Variants in TRAPPC3 observed in about 807,000 individuals in gnomAD.
The protein encoded by TRAPPC3 is trafficking protein particle complex 3.
In TRAPPC3, 5 loss-of-function variants were observed where a neutral mutation model predicts 18.2. The ratio of observed to expected loss-of-function variants is 0.28; its 90% confidence interval spans 0.14 to 0.58. The LOEUF (loss-of-function observed/expected upper bound fraction) is 0.58, where lower values mean the gene tolerates loss of function less well. TRAPPC3 is among the 20% of genes least tolerant of loss of function. The probability of loss-of-function intolerance (pLI) is 0.91; values close to 1 mark genes in which losing one functional copy is unlikely to be tolerated. For missense variants in TRAPPC3, 176 were observed against 225.9 expected (o/e 0.78, Z 1.41); for synonymous variants, 65 against 84.2 (o/e 0.77, Z 1.25).
chr1:36,144,308 AAG>A lies in TRAPPC3; in HGVS notation c.43-4144_43-4143del, dbSNP rs1491456245. 1.2e-3 allele frequency among the ~76,000 whole-genome samples: 184 copies of A among 150,874 alleles called. 1 individual carries two copies. Among genetic ancestry groups the A allele is most frequent in the African/African-American group, 4.0e-3 (166 of 41,078 alleles). ...TGTCTCCAAAAAAAAAAAAAAAAAA[AAG>A]GGAGGGCAAGTCATAAAGAAAGAAG... On this transcript the variant is annotated intron_variant, in intron 1 of 4. Coordinates refer to ENST00000373166, the MANE Select transcript of TRAPPC3 (RefSeq NM_014408.5).
At chr1:36,152,093 C>T (rs2124181052), upstream of TRAPPC3, among the ~76,000 whole-genome samples, 1 of 152,286 alleles carries the variant, frequency 6.6e-6, no homozygotes, top group African/African-American at 2.4e-5. Flanking sequence ...GCCCCTCCCA[C>T]TTCCTGCAGT....
chr1:36,137,029 G>T lies in TRAPPC3; in HGVS notation c.*174C>A. ...GTCGCTCCTGAATGTGCACACATGG[G>T]GTAAATGGACTATATCGCAGTCTGC... On this transcript the variant is annotated 3_prime_UTR_variant, in exon 5 of 5. Coordinates refer to ENST00000373166, the MANE Select transcript of TRAPPC3 (RefSeq NM_014408.5). The T allele has an allele frequency of 1.5e-6, 1 of 674,972 alleles. No homozygotes were observed. Among genetic ancestry groups the T allele is most frequent in the Non-Finnish European group, 2.4e-6 (1 of 419,052 alleles). The allele number at this position is 674,972 out of a possible 1,614,324, so 41.8% of individuals were successfully genotyped here.
chr1:36,141,763 T>C (rs1644110947), intron 1 of TRAPPC3, among the ~76,000 whole-genome samples: 1 of 151,724 alleles, frequency 6.6e-6, no homozygotes, highest in East Asian at 1.9e-4. Context: ...ATTGAGACCA[T>C]CCTGGCTAAC....
upstream of TRAPPC3, among the ~76,000 whole-genome samples, chr1:36,153,200 G>A (rs1473191887): frequency 6.6e-6 from 1 of 152,184 alleles, no homozygotes; most frequent in Non-Finnish European, 1.5e-5. Flanking sequence ...TCTCTGGGAT[G>A]TCTATTTGTG....
At chr1:36,151,388 T>C (rs1194063009), upstream of TRAPPC3, among the ~76,000 whole-genome samples, 2 of 152,104 alleles carry the variant, frequency 1.3e-5, no homozygotes, top group African/African-American at 4.8e-5. Context: ...AAGGCTGTTC[T>C]GTTATGAAAT....
chr1:36,139,551 A>T, intron 3 of TRAPPC3, 169 bp downstream of exon 3: 1 of 827,414 alleles, frequency 1.2e-6, no homozygotes, highest in Non-Finnish European at 1.8e-6. Context: ...CACAGGGATT[A>T]AATAATCTAT....
intron 4 of TRAPPC3, 87 bp downstream of exon 4, chr1:36,137,709 C>T: frequency 7.0e-7 from 1 of 1,424,898 alleles, no homozygotes; most frequent in East Asian, 2.3e-5. Context: ...AGCCAAAGCC[C>T]TTTCTTTTCT....
chr1:36,141,612 G>A (rs1384987789), intron 1 of TRAPPC3, among the ~76,000 whole-genome samples: 1 of 152,124 alleles, frequency 6.6e-6, no homozygotes, highest in Non-Finnish European at 1.5e-5. Flanking sequence ...AGGAAAGGCA[G>A]GAATTAACCC....
chr1:36,148,789 G>A (rs948836801), intron 1 of TRAPPC3, among the ~76,000 whole-genome samples: 9 of 152,082 alleles, frequency 5.9e-5, no homozygotes, highest in Non-Finnish European at 1.0e-4. Flanking sequence ...GTTCCTTTCT[G>A]GCACGACCAG....
At chr1:36,137,533 GA>G in intron 4 of TRAPPC3, 2 of 633,772 alleles carry the variant, frequency 3.2e-6, no homozygotes, top group East Asian at 5.5e-5. Context: ...CCAAGAATGA[GA>G]CTGTCACCAA....
intron 1 of TRAPPC3, among the ~76,000 whole-genome samples, chr1:36,147,476 C>T (rs12085237): frequency 1.3e-5 from 1 of 77,194 alleles, no homozygotes; most frequent in Non-Finnish European, 3.0e-5. Flanking sequence ...ACCCCTAGCT[C>T]TACAAAAAAA....
chr1:36,154,005 CTGTT>C (rs1217509773), upstream of TRAPPC3, among the ~76,000 whole-genome samples: 2 of 152,056 alleles, frequency 1.3e-5, no homozygotes, highest in Non-Finnish European at 1.5e-5. Context: ...GTTTGTTTGG[CTGTT>C]TGTTTGTTTT....
chr1:36,139,154 G>GTTTTTTTTTTTTTTTTTTTTTTT (rs1557757375), intron 3 of TRAPPC3, among the ~76,000 whole-genome samples: 1 of 141,620 alleles, frequency 7.1e-6, no homozygotes, highest in African/African-American at 2.8e-5. Flanking sequence ...TTGTGAGTCT[G>GTTTTTTTTTTTTTTTTTTTTTTT]TATTTTTTTT....
At chr1:36,148,732 C>T (rs1644236347) in intron 1 of TRAPPC3, among the ~76,000 whole-genome samples, 1 of 152,200 alleles carries the variant, frequency 6.6e-6, no homozygotes, top group South Asian at 2.1e-4. Context: ...TAGAGGGGCA[C>T]CACTCACTGC....
In TRAPPC3 at chr1:36,137,907, G is replaced by A. The variant is rs568901820; in HGVS notation, c.312C>T (p.Ser104=). 19 of 1,614,074 alleles carry A rather than the reference G, an allele frequency of 1.2e-5. No homozygotes were observed. The highest frequency in any genetic ancestry group is 4.0e-5 in the African/African-American group (3 of 74,924). ...CCAAGGGGTTATTTTCCAAAATGAG[G>A]GAGAATTCATCACCAGCTGGGCTCC... ...TNWSPAGDEF[S]LILENNPLVD... The change falls in exon 4 of 5, where the codon TCC becomes TCT. Residue 104 remains serine (S), a synonymous_variant. Coordinates refer to ENST00000373166, the MANE Select transcript of TRAPPC3 (RefSeq NM_014408.5).
chr1:36,149,503 G>A, upstream of TRAPPC3: 2 of 1,268,258 alleles, frequency 1.6e-6, no homozygotes, highest in East Asian at 2.5e-5. Flanking sequence ...CTGCGCCTGC[G>A]CGGCCTCCCG....
At chr1:36,138,579 T>C (rs1644060028) in intron 3 of TRAPPC3, among the ~76,000 whole-genome samples, 1 of 152,236 alleles carries the variant, frequency 6.6e-6, no homozygotes, top group Non-Finnish European at 1.5e-5. Flanking sequence ...CATTTATTAA[T>C]ACTATAACAG....
Position 36,137,848 on chromosome 1 carries a change from G to A in TRAPPC3, c.371C>T (p.Ser124Phe), listed in dbSNP as rs1240836181. 4 of 1,614,096 alleles carry A rather than the reference G, an allele frequency of 2.5e-6. No homozygotes were observed. Among genetic ancestry groups the A allele is most frequent in the Middle Eastern group, 1.6e-4 (1 of 6,084 alleles). ...ACACAAGAGATTGGAATAAATAAGG[G>A]ATGAGTGGTTATCAGGAAGTTCCAC... ...DFVELPDNHS[S>F]LIYSNLLCGV... The change falls in exon 4 of 5, where the codon TCC (serine) becomes TTC (phenylalanine). Residue 124 changes from serine to phenylalanine, a missense_variant. Transcript: ENST00000373166.
In TRAPPC3 at chr1:36,137,182, A is replaced by C. The variant is rs1644037178; in HGVS notation, c.*21T>G. 1.3e-6 allele frequency: 2 copies of C among 1,596,700 alleles called. No individual in the cohort carries two copies. The highest frequency in any genetic ancestry group is 1.7e-6 in the Non-Finnish European group (2 of 1,165,326). On this transcript the variant is annotated 3_prime_UTR_variant, in exon 5 of 5. Coordinates refer to ENST00000373166, the MANE Select transcript of TRAPPC3 (RefSeq NM_014408.5). Reference sequence around the variant, plus strand: ...GATTCCAACAGTGCTCCTGATGGCTATCCTCGAGTTGTAGGGATGGTTATT... The same window carrying C: ...GATTCCAACAGTGCTCCTGATGGCTCTCCTCGAGTTGTAGGGATGGTTATT...
Sources: allele counts gnomAD v4.1 joint callset (sites outside exome capture counted in the v4.1 genomes callset), GRCh38; gene constraint gnomAD v4.1.1; transcripts MANE v1.5; gene names NCBI Gene and HGNC (gene_info 2026-07-23, HGNC 2026-07-21).